Variants in INPP5A observed in about 807,000 individuals in gnomAD.
The protein encoded by INPP5A is inositol polyphosphate-5-phosphatase A.
INPP5A carries 14 observed loss-of-function variants against 65.2 expected under a neutral mutation model. The ratio of observed to expected loss-of-function variants is 0.21; its 90% confidence interval spans 0.14 to 0.34. The LOEUF is 0.34. INPP5A is among the 10% of genes least tolerant of loss of function. INPP5A has a pLI of 1.00. For synonymous variants in INPP5A, 207 were observed against 208.3 expected (o/e 0.99, Z 0.05); for missense variants, 431 against 545.6 (o/e 0.79, Z 2.09).
chr10:132,679,205 G>C (rs1421364334), intron 4 of INPP5A, among the ~76,000 whole-genome samples: 2 of 152,242 alleles, frequency 1.3e-5, no homozygotes, highest in Non-Finnish European at 2.9e-5. Flanking sequence ...GATGGACAGG[G>C]TTCTGTAATC....
chr10:132,746,951 CTGGGGAGGGGTT>C lies in INPP5A; in HGVS notation c.733-2560_733-2549del, dbSNP rs1468657768. Among the ~76,000 whole-genome samples, 4 of 152,212 alleles carry C rather than the reference CTGGGGAGGGGTT, an allele frequency of 2.6e-5. No homozygotes were observed. In the East Asian group the frequency reaches 5.8e-4, roughly 22 times the overall value. On this transcript the variant is annotated intron_variant, in intron 9 of 15. Coordinates refer to ENST00000368594, the MANE Select transcript of INPP5A (RefSeq NM_005539.5). ...TTTACAGCCTGTGAATGAGGCAGCT[CTGGGGAGGGGTT>C]TGGGGTGGCCGGCCCCTTCCTGGGC...
chr10:132,729,265 C>G (rs964680597), intron 9 of INPP5A, among the ~76,000 whole-genome samples: 2 of 152,200 alleles, frequency 1.3e-5, no homozygotes, highest in Non-Finnish European at 2.9e-5. Context: ...CGGCCTGAGT[C>G]TGCCACATCT....
In INPP5A at chr10:132,667,502, G is replaced by A. The variant is rs1332719056; in HGVS notation, c.306+16997G>A. ...TGGATAGGCATGCTGGCAGGGCGAG[G>A]CAGAAGTTAATCTGCTTTGCTGAAG... On this transcript the variant is annotated intron_variant, in intron 4 of 15. Coordinates refer to ENST00000368594, the MANE Select transcript of INPP5A (RefSeq NM_005539.5). Among the ~76,000 whole-genome samples, 13 of 152,160 alleles carry A rather than the reference G, an allele frequency of 8.5e-5. 1 individual carries two copies. Among genetic ancestry groups the A allele is most frequent in the Admixed American group, 8.5e-4 (13 of 15,282 alleles).
chr10:132,688,227 C>T (rs1845173665), intron 4 of INPP5A, among the ~76,000 whole-genome samples: 1 of 152,210 alleles, frequency 6.6e-6, no homozygotes, highest in African/African-American at 2.4e-5. Flanking sequence ...CCTCAGCAGG[C>T]CCAGAACATA....
chr10:132,608,003 T>C, intron 2 of INPP5A, 47 bp downstream of exon 2: 1 of 1,572,150 alleles, frequency 6.4e-7, no homozygotes, highest in South Asian at 1.1e-5. Context: ...ACTTAGCCAA[T>C]AAGGTGCCTT....
chr10:132,620,875 A>G (rs1319561401), intron 2 of INPP5A, among the ~76,000 whole-genome samples: 1 of 152,220 alleles, frequency 6.6e-6, no homozygotes, highest in East Asian at 1.9e-4. Flanking sequence ...TGATATGAAC[A>G]TTAGAAAAAT....
chr10:132,771,882 A>G (rs1846962116), intron 12 of INPP5A, among the ~76,000 whole-genome samples: 1 of 96,248 alleles, frequency 1.0e-5, no homozygotes, highest in African/African-American at 4.5e-5. Flanking sequence ...GAAGAGTGGG[A>G]CAGACACTCA....
intron 2 of INPP5A, among the ~76,000 whole-genome samples, chr10:132,638,627 G>T (rs770843580): frequency 6.6e-6 from 1 of 152,144 alleles, no homozygotes; most frequent in African/African-American, 2.4e-5. Flanking sequence ...GAGTGCAGTG[G>T]CACAATCTCG....
chr10:132,709,287 G>T (rs1255068249), intron 7 of INPP5A, among the ~76,000 whole-genome samples: 9 of 117,570 alleles, frequency 7.7e-5, no homozygotes, highest in Middle Eastern at 4.2e-3. Flanking sequence ...GGGAGGAGGG[G>T]GAGGAGGAGG....
chr10:132,561,944 G>A (rs781578492), intron 1 of INPP5A, among the ~76,000 whole-genome samples: 2 of 152,190 alleles, frequency 1.3e-5, no homozygotes, highest in Non-Finnish European at 1.5e-5. Flanking sequence ...GGGAGATCCC[G>A]GCAAGATGAT....
chr10:132,622,148 G>A (rs2072118707), intron 2 of INPP5A, among the ~76,000 whole-genome samples: 1 of 152,242 alleles, frequency 6.6e-6, no homozygotes, highest in South Asian at 2.1e-4. Context: ...GCAGTAAAAT[G>A]AAATAGTTGG....
intron 1 of INPP5A, among the ~76,000 whole-genome samples, chr10:132,579,683 G>A (rs1395632075): frequency 2.0e-5 from 3 of 152,184 alleles, no homozygotes; most frequent in Non-Finnish European, 4.4e-5. Flanking sequence ...TGTAGGTGGG[G>A]CCTCAGTGAG....
intron 1 of INPP5A, among the ~76,000 whole-genome samples, chr10:132,560,423 G>T (rs771484926): frequency 6.6e-6 from 1 of 152,200 alleles, no homozygotes; most frequent in Non-Finnish European, 1.5e-5. Context: ...TCACAGAACA[G>T]TACTCGTGAT....
chr10:132,674,229 C>T lies in INPP5A; in HGVS notation c.307-16163C>T, dbSNP rs1167348127. Reference sequence around the variant, plus strand: ...GATTTCTTTGTCACAATTTTCCAATCATGCTTCTTCCAAGTCCCTGACCAT... The same window carrying T: ...GATTTCTTTGTCACAATTTTCCAATTATGCTTCTTCCAAGTCCCTGACCAT... On this transcript the variant is annotated intron_variant, in intron 4 of 15. Coordinates refer to ENST00000368594, the MANE Select transcript of INPP5A (RefSeq NM_005539.5). The surrounding 1 kb of genome is among the most constrained non-coding windows in gnomAD (Gnocchi z 4.4). Among the ~76,000 whole-genome samples, 1 of 152,234 alleles carries T rather than the reference C, an allele frequency of 6.6e-6. No individual in the cohort carries two copies. The highest frequency in any genetic ancestry group is 6.5e-5 in the Admixed American group (1 of 15,282).
chr10:132,738,668 G>A (rs1036202813), intron 9 of INPP5A, among the ~76,000 whole-genome samples: 28 of 152,380 alleles, frequency 1.8e-4, no homozygotes, highest in African/African-American at 6.5e-4. Context: ...CATGCGCGCT[G>A]TGTCCGAGCC....
intron 2 of INPP5A, among the ~76,000 whole-genome samples, chr10:132,638,743 T>C (rs2072389356): frequency 6.6e-6 from 1 of 152,072 alleles, no homozygotes; most frequent in Non-Finnish European, 1.5e-5. Context: ...AATTTTTGTA[T>C]TTTTAGTAGA....
chr10:132,673,399 T>C (rs558105421), intron 4 of INPP5A, among the ~76,000 whole-genome samples: 1 of 152,316 alleles, frequency 6.6e-6, no homozygotes, highest in South Asian at 2.1e-4. Flanking sequence ...ATCCTGGCTA[T>C]GGGAGAAACA....
chr10:132,761,984 T>C lies in INPP5A; in HGVS notation c.904-3789T>C, dbSNP rs560419141. On this transcript the variant is annotated intron_variant, in intron 11 of 15. Coordinates refer to ENST00000368594, the MANE Select transcript of INPP5A (RefSeq NM_005539.5). The stretch of plus-strand genomic sequence containing the variant: ...AACAGATAAAAAAAAGTAGGACTCA[T>C]AGAAGTATTATCATTAAAATTAAAA... Among the ~76,000 whole-genome samples, 9 of 152,158 alleles carry C rather than the reference T, an allele frequency of 5.9e-5. No individual in the cohort carries two copies. In the East Asian group the frequency reaches 1.7e-3, roughly 29 times the overall value.
At chr10:132,558,496 C>G (rs1194761248) in intron 1 of INPP5A, among the ~76,000 whole-genome samples, 1 of 152,230 alleles carries the variant, frequency 6.6e-6, no homozygotes, top group East Asian at 1.9e-4. Flanking sequence ...CTCCATCAGG[C>G]TCCCTCTGGG....
Sources: gnomAD v4.1 joint callset for allele counts (sites outside exome capture counted in the v4.1 genomes callset) on GRCh38, gnomAD v4.1.1 for gene constraint, Gnocchi (gnomAD v3.1) non-coding constraint, MANE v1.5 for transcripts, NCBI Gene and HGNC (gene_info 2026-07-23, HGNC 2026-07-21) for gene names.